The following MAP3K4 variants were observed in gnomAD, a reference collection of about 807,000 sequenced individuals.
The protein encoded by MAP3K4 is mitogen-activated protein kinase kinase kinase 4.
A neutral mutation model predicts 185.6 loss-of-function variants in MAP3K4; 67 were observed. That is an observed-to-expected ratio of 0.36 (90% confidence interval 0.30 to 0.44). MAP3K4 has a LOEUF of 0.44. Ranked by LOEUF, MAP3K4 falls within the 20% of genes least tolerant of loss-of-function variation. MAP3K4 has a pLI of 1.00. For synonymous variants in MAP3K4, 702 were observed against 710.4 expected, an observed-to-expected ratio of 0.99 and a Z score of 0.19; for missense variants, 1,551 against 1,995.1, an observed-to-expected ratio of 0.78 and a Z score of 4.24.
At position 161,117,052 on chromosome 6, in the gene MAP3K4, G is replaced by A; in HGVS notation, c.*182G>A. On this transcript the variant is annotated 3_prime_UTR_variant, in exon 27 of 27. Transcript: ENST00000392142. ...GTCTGATGTGGCAAAAGGCCCTCTG[G>A]AGGGCTGGTGGCCACGAGGTTAAAG... The A allele has an allele frequency of 1.6e-6, 1 of 619,456 alleles. No individual in the cohort carries two copies. 38.4% of individuals were successfully genotyped at this position (619,456 alleles called of 1,614,324 possible). A position where few individuals can be genotyped will look rare whatever the true frequency, so the allele number is the denominator to read the frequency against.
At chr6:161,003,360 A>G (rs1377722489) in intron 1 of MAP3K4, among the ~76,000 whole-genome samples, 2 of 152,242 alleles carry the variant, frequency 1.3e-5, no homozygotes, top group Non-Finnish European at 2.9e-5. Context: ...AACAGCAACA[A>G]TATTCTCAAC....
intron 3 of MAP3K4, among the ~76,000 whole-genome samples, chr6:161,057,427 G>A (rs879484216): frequency 1.2e-4 from 18 of 152,172 alleles, no homozygotes; most frequent in Non-Finnish European, 1.5e-4. Context: ...GATTGTTAGA[G>A]GGATTCAAAT....
At chr6:161,018,571 ATAATT>A (rs1782222405) in intron 1 of MAP3K4, among the ~76,000 whole-genome samples, 1 of 152,244 alleles carries the variant, frequency 6.6e-6, no homozygotes, top group Admixed American at 6.5e-5. Flanking sequence ...GGAATTTGAG[ATAATT>A]TAATAGCCTA....
At chr6:161,026,216 T>C (rs573214229) in intron 1 of MAP3K4, among the ~76,000 whole-genome samples, 24 of 152,094 alleles carry the variant, frequency 1.6e-4, no homozygotes, top group South Asian at 6.2e-4. Context: ...CTGCAAGCTC[T>C]GCCTCCTGGG....
Position 161,117,067 on chromosome 6 carries a change from C to T in MAP3K4, c.*197C>T, listed in dbSNP as rs912957429. 1.2e-5 allele frequency: 7 copies of T among 600,310 alleles called. No individual in the cohort carries two copies. The highest frequency in any genetic ancestry group is 2.6e-4 in the Middle Eastern group (1 of 3,834). The allele number at this position is 600,310 out of a possible 1,614,324, so 37.2% of individuals were successfully genotyped here. A position where few individuals can be genotyped will look rare whatever the true frequency, so the allele number is the denominator to read the frequency against. On this transcript the variant is annotated 3_prime_UTR_variant, in exon 27 of 27. Transcript: ENST00000392142. ...AGGCCCTCTGGAGGGCTGGTGGCCA[C>T]GAGGTTAAAGAAGCTGCATGTTAAG...
At position 161,064,763 on chromosome 6, in the gene MAP3K4, A is replaced by G. The variant is rs150742287; in HGVS notation, c.1708-5845A>G. Among the ~76,000 whole-genome samples, 141 of 152,320 alleles carry G rather than the reference A, an allele frequency of 9.3e-4. No individual in the cohort carries two copies. The highest frequency in any genetic ancestry group is 3.2e-3 in the African/African-American group (132 of 41,568). ...TCTCTAAGATGGAGAGCACCCTTTC[A>G]ATGATTAGAAGAGACACAAGATGGA... is the stretch of plus-strand genomic sequence containing the variant. On this transcript the variant is annotated intron_variant, in intron 3 of 26. Transcript: ENST00000392142. This position sits in a 1 kb window ranked among gnomAD's most constrained non-coding sequence, Gnocchi z 4.3.
rs999841898 is a variant in MAP3K4 at position 161,075,799 on chromosome 6, A to T, written c.2097+2187A>T. On this transcript the variant is annotated intron_variant, in intron 5 of 26. Coordinates refer to ENST00000392142, the MANE Select transcript of MAP3K4 (RefSeq NM_005922.4). The surrounding 1 kb of genome is among the most constrained non-coding windows in gnomAD (Gnocchi z 4.3). ...GAGTTTAGTTTTGGCATTACTGTCAATTATCCACATCTCTCTTCTTACAGA... is the reference window on the plus strand; with the variant it reads ...GAGTTTAGTTTTGGCATTACTGTCATTTATCCACATCTCTCTTCTTACAGA... 6.6e-6 allele frequency among the ~76,000 whole-genome samples: 1 copy of T among 152,208 alleles called. No homozygotes were observed. The highest frequency in any genetic ancestry group is 1.5e-5 in the Non-Finnish European group (1 of 68,034).
In MAP3K4 at chr6:161,093,120, G is replaced by T; in HGVS notation, c.3348+64G>T. On this transcript the variant is annotated intron_variant, in intron 14 of 26. Transcript: ENST00000392142. The surrounding 1 kb of genome is among the most constrained non-coding windows in gnomAD (Gnocchi z 5.2). Reference sequence around the variant, plus strand: ...GCCAGTCACTCCTTATTTTCTGGTTGTATATGTTTTATATGTAATAGTGGT... The same window carrying T: ...GCCAGTCACTCCTTATTTTCTGGTTTTATATGTTTTATATGTAATAGTGGT... 8.9e-7 allele frequency: 1 copy of T among 1,128,676 alleles called. No homozygotes were observed. Among genetic ancestry groups the T allele is most frequent in the East Asian group, 2.4e-5 (1 of 42,026 alleles). The allele number at this position is 1,128,676 out of a possible 1,614,324, so 69.9% of individuals were successfully genotyped here.
At chr6:161,038,799 T>A (rs1783302518) in intron 2 of MAP3K4, among the ~76,000 whole-genome samples, 1 of 152,218 alleles carries the variant, frequency 6.6e-6, no homozygotes, top group Admixed American at 6.5e-5. Flanking sequence ...GCCCTCATTT[T>A]TTTTGTCTGC....
In MAP3K4 at chr6:161,070,269, T is replaced by C. The variant is rs1033451357; in HGVS notation, c.1708-339T>C. On this transcript the variant is annotated intron_variant, in intron 3 of 26. Coordinates refer to ENST00000392142, the MANE Select transcript of MAP3K4 (RefSeq NM_005922.4). This position sits in a 1 kb window ranked among gnomAD's most constrained non-coding sequence, Gnocchi z 4.5. ...CTAGAGATAGTTGTCGATAGTACTG[T>C]ATATAACCTGAAAAATAAAGTGTTC... 2.0e-5 allele frequency among the ~76,000 whole-genome samples: 3 copies of C among 152,196 alleles called. No individual in the cohort carries two copies. The highest frequency in any genetic ancestry group is 4.8e-5 in the African/African-American group (2 of 41,450).
chr6:161,021,896 A>C (rs1451065637), intron 1 of MAP3K4, among the ~76,000 whole-genome samples: 1 of 152,182 alleles, frequency 6.6e-6, no homozygotes, highest in African/African-American at 2.4e-5. Context: ...CCTGTAAGTA[A>C]ATCAATCAAA....
At chr6:161,036,911 T>C (rs1464794880) in intron 2 of MAP3K4, among the ~76,000 whole-genome samples, 1 of 152,214 alleles carries the variant, frequency 6.6e-6, no homozygotes, top group Admixed American at 6.5e-5. Context: ...AATGCAAATA[T>C]TCCAAAATCC....
intron 1 of MAP3K4, among the ~76,000 whole-genome samples, chr6:160,992,540 C>T (rs1780780916): frequency 6.6e-6 from 1 of 152,212 alleles, no homozygotes; most frequent in South Asian, 2.1e-4. Context: ...GCGTTCTCCT[C>T]CTCCTCTCCT....
intron 11 of MAP3K4, among the ~76,000 whole-genome samples, chr6:161,089,844 A>G (rs1348593504): frequency 3.3e-5 from 5 of 152,342 alleles, no homozygotes; most frequent in Non-Finnish European, 4.4e-5. Flanking sequence ...GCAGTGTGTA[A>G]TAGAAGATTT....
Position 161,064,239 on chromosome 6 carries a change from C to A in MAP3K4, c.1708-6369C>A, listed in dbSNP as rs1438504594. On this transcript the variant is annotated intron_variant, in intron 3 of 26. Transcript: ENST00000392142. This position sits in a 1 kb window ranked among gnomAD's most constrained non-coding sequence, Gnocchi z 4.3. Reference sequence around the variant, plus strand: ...TTACTACATTGGGAATTTCTTTTTCCAAATATATTGTTCAACATGTATTTT... The same window carrying A: ...TTACTACATTGGGAATTTCTTTTTCAAAATATATTGTTCAACATGTATTTT... 6.6e-6 allele frequency among the ~76,000 whole-genome samples: 1 copy of A among 152,072 alleles called. No individual in the cohort carries two copies. Among genetic ancestry groups the A allele is most frequent in the Non-Finnish European group, 1.5e-5 (1 of 68,014 alleles).
In MAP3K4 at chr6:161,073,647, CTTT is replaced by C. The variant is rs1231550991; in HGVS notation, c.2097+36_2097+38del. ...AGTGGGGAGGAATTTTTCTTTCTTT[CTTT>C]GTTTCTTTTTTTAAAAAAGTAAGCC... On this transcript the variant is annotated intron_variant, in intron 5 of 26. Transcript: ENST00000392142. This position sits in a 1 kb window ranked among gnomAD's most constrained non-coding sequence, Gnocchi z 4.2. 2 of 1,584,398 alleles carry C rather than the reference CTTT, an allele frequency of 1.3e-6. No individual in the cohort carries two copies. Among genetic ancestry groups the C allele is most frequent in the Non-Finnish European group, 1.7e-6 (2 of 1,166,230 alleles).
rs1393321359 is a variant in MAP3K4 at position 161,034,254 on chromosome 6, C to T, written c.153-5C>T. ...AATATTTTCCCTGCACACTGTCTTTCATAGGCAAGAGGGCACATTGGGAGA... is the reference window on the plus strand; with the variant it reads ...AATATTTTCCCTGCACACTGTCTTTTATAGGCAAGAGGGCACATTGGGAGA... On this transcript the variant is annotated splice_polypyrimidine_tract_variant and splice_region_variant and intron_variant, in intron 1 of 26. Transcript: ENST00000392142. The surrounding 1 kb of genome is among the most constrained non-coding windows in gnomAD (Gnocchi z 4.4). 1.2e-6 allele frequency: 2 copies of T among 1,610,062 alleles called. No homozygotes were observed. The highest frequency in any genetic ancestry group is 1.1e-5 in the South Asian group (1 of 90,388).
chr6:161,100,258 A>G lies in MAP3K4; in HGVS notation c.3675-1634A>G, dbSNP rs184716067. On this transcript the variant is annotated intron_variant, in intron 17 of 26. Coordinates refer to ENST00000392142, the MANE Select transcript of MAP3K4 (RefSeq NM_005922.4). This position sits in a 1 kb window ranked among gnomAD's most constrained non-coding sequence, Gnocchi z 5.8. ...CACATACCCAAGGGCTTGTGTCTCA[A>G]CACAGCTGTGGGTTTGTGAATGTGC... Among the ~76,000 whole-genome samples, 110 of 152,268 alleles carry G rather than the reference A, an allele frequency of 7.2e-4. 1 individual carries two copies. Among genetic ancestry groups the G allele is most frequent in the African/African-American group, 2.5e-3 (105 of 41,564 alleles).
At chr6:161,104,709 CAAAA>C (rs10688556) in intron 19 of MAP3K4, among the ~76,000 whole-genome samples, 4 of 121,628 alleles carry the variant, frequency 3.3e-5, no homozygotes, top group African/African-American at 1.3e-4. Flanking sequence ...GACTCCATCT[CAAAA>C]AAAAAAAAAA....
Sources: allele counts gnomAD v4.1 joint callset (sites outside exome capture counted in the v4.1 genomes callset), GRCh38; gene constraint gnomAD v4.1.1; non-coding constraint Gnocchi (gnomAD v3.1); transcripts MANE v1.5; gene names NCBI Gene and HGNC (gene_info 2026-07-23, HGNC 2026-07-21).